Variants in PLCG2 observed in about 807,000 individuals in gnomAD.
PLCG2 encodes the protein 1-phosphatidylinositol 4,5-bisphosphate phosphodiesterase gamma-2.
PLCG2 carries 69 observed loss-of-function variants against 175.6 expected under a neutral mutation model. The observed-to-expected ratio is 0.39, with a 90% confidence interval of 0.32 to 0.48. PLCG2 has a LOEUF of 0.48. Ranked by LOEUF, PLCG2 falls within the 20% of genes least tolerant of loss-of-function variation. The pLI is 0.91. For synonymous variants in PLCG2, 827 were observed against 624.0 expected, an observed-to-expected ratio of 1.33 and a Z score of -4.85; for missense variants, 1,798 against 1,650.9, an observed-to-expected ratio of 1.09 and a Z score of -1.54.
intron 13 of PLCG2, 29 bp from the exon 14 acceptor site, chr16:81,900,583 C>G: frequency 6.4e-7 from 1 of 1,565,892 alleles, no homozygotes; most frequent in South Asian, 1.2e-5. Flanking sequence ...GCTCCCCCTG[C>G]CGAGCTGCCC....
In PLCG2 at chr16:81,793,008, T is replaced by C. The variant is rs1036668933; in HGVS notation, c.193+6826T>C. On this transcript the variant is annotated intron_variant, in intron 2 of 32. Transcript: ENST00000564138. Reference sequence around the variant, plus strand: ...TTAAATGGATTTTATTTTATGTTCTTTTTAAGATGTGGGAAATATTGCATA... The same window carrying C: ...TTAAATGGATTTTATTTTATGTTCTCTTTAAGATGTGGGAAATATTGCATA... Among the ~76,000 whole-genome samples the C allele has an allele frequency of 2.0e-5, 3 of 152,228 alleles. No homozygotes were observed. The South Asian group carries it at 6.2e-4, about 32-fold the overall frequency.
chr16:81,802,373 A>T (rs1911769631), intron 2 of PLCG2, among the ~76,000 whole-genome samples: 1 of 151,694 alleles, frequency 6.6e-6, no homozygotes, highest in Non-Finnish European at 1.5e-5. Context: ...CGGCCTCCCA[A>T]AGTGCTGGGA....
intron 5 of PLCG2, among the ~76,000 whole-genome samples, chr16:81,864,498 C>A (rs748671171): frequency 5.3e-5 from 8 of 152,158 alleles, no homozygotes; most frequent in Non-Finnish European, 8.8e-5. Context: ...AATCTCAGAT[C>A]TCACACTAAC....
intron 1 of PLCG2, 163 bp from the exon 2 acceptor site, chr16:81,785,780 C>T: frequency 1.8e-6 from 1 of 546,052 alleles, no homozygotes; most frequent in Non-Finnish European, 3.3e-6. Flanking sequence ...TTGTGTCCTG[C>T]CTTAGCTCTC....
At chr16:81,781,690 A>G (rs895809652) in intron 1 of PLCG2, among the ~76,000 whole-genome samples, 4 of 152,084 alleles carry the variant, frequency 2.6e-5, no homozygotes, top group African/African-American at 4.8e-5. Context: ...ATGTCCCTTG[A>G]ACTGTTGGAG....
Position 81,786,138 on chromosome 16 carries a change from G to C in PLCG2, c.149G>C (p.Arg50Pro). 6.2e-7 allele frequency: 1 copy of C among 1,614,146 alleles called. No individual in the cohort carries two copies. Among genetic ancestry groups the C allele is most frequent in the Non-Finnish European group, 8.5e-7 (1 of 1,180,020 alleles). ...ACCGTCCAGGTGATCATGGAGACGC[G>C]GCAGGTGGCCTGGAGCAAGACCGCT... is the stretch of plus-strand genomic sequence containing the variant. ...RRTVQVIMET[R>P]QVAWSKTADK... Residue 50 changes from arginine (R) to proline (P), a missense_variant, in exon 2 of 33, where the codon CGG (arginine) becomes CCG (proline). Arg to Pro is a moderately radical substitution (Grantham distance 103). Transcript: ENST00000564138.
intron 1 of PLCG2, among the ~76,000 whole-genome samples, chr16:81,748,877 C>T (rs1234637245): frequency 2.0e-5 from 3 of 152,160 alleles, no homozygotes; most frequent in Non-Finnish European, 4.4e-5. Flanking sequence ...CTCAGAGAGG[C>T]TCGGTGAGAT....
At chr16:81,838,344 C>G (rs1008768284) in intron 2 of PLCG2, among the ~76,000 whole-genome samples, 2 of 152,162 alleles carry the variant, frequency 1.3e-5, no homozygotes. Context: ...GCCTTGGCCT[C>G]CCAAAGTGCT....
At chr16:81,942,426 C>A (rs929028545) in intron 30 of PLCG2, among the ~76,000 whole-genome samples, 2 of 152,212 alleles carry the variant, frequency 1.3e-5, no homozygotes, top group East Asian at 3.8e-4. Flanking sequence ...TCACTTCTTT[C>A]TAGCTCCTAG....
intron 2 of PLCG2, among the ~76,000 whole-genome samples, chr16:81,824,415 T>A (rs1904954770): frequency 6.6e-6 from 1 of 152,206 alleles, no homozygotes; most frequent in Non-Finnish European, 1.5e-5. Context: ...ATTACAAGCG[T>A]GAGCCACTGC....
intron 1 of PLCG2, among the ~76,000 whole-genome samples, chr16:81,744,424 A>C (rs1196446912): frequency 1.3e-5 from 2 of 151,856 alleles, no homozygotes; most frequent in African/African-American, 4.8e-5. Flanking sequence ...TGCCCTCCCA[A>C]AGTGTTGGGA....
At chr16:81,867,511 G>A (rs1055797030) in intron 5 of PLCG2, among the ~76,000 whole-genome samples, 2 of 152,192 alleles carry the variant, frequency 1.3e-5, no homozygotes, top group African/African-American at 4.8e-5. Context: ...CCTGGAAGAT[G>A]GAGATGATCA....
intron 2 of PLCG2, among the ~76,000 whole-genome samples, chr16:81,771,100 A>G (rs1288799120): frequency 6.6e-6 from 1 of 152,006 alleles, no homozygotes; most frequent in Admixed American, 6.6e-5. Context: ...GGCCCAGATC[A>G]TAAGTACAGA....
At chr16:81,853,474 G>A (rs1327959141) in intron 2 of PLCG2, among the ~76,000 whole-genome samples, 5 of 152,176 alleles carry the variant, frequency 3.3e-5, no homozygotes, top group Admixed American at 2.0e-4. Flanking sequence ...GATGGTGGGG[G>A]CAGTGGGGGG....
Position 81,910,617 on chromosome 16 carries a change from T to C in PLCG2, c.1831T>C (p.Tyr611His). The change falls in exon 18 of 33, where the codon TAT (tyrosine) becomes CAT (histidine). Residue 611 changes from tyrosine to histidine, a missense_variant. Physicochemically the swap from Tyr to His is moderately conservative, Grantham distance 83. Transcript: ENST00000564138. ...TGACAACCTCACCTTCAGCAGCATC[T>C]ATGCCCTCATCCAGCACTACCGCGA... ...LTDNLTFSSIYALIQHYRETH... is the reference protein window; with the variant it reads ...LTDNLTFSSIHALIQHYRETH... 1 of 1,614,116 alleles carries C rather than the reference T, an allele frequency of 6.2e-7. No individual in the cohort carries two copies. The highest frequency in any genetic ancestry group is 1.1e-5 in the South Asian group (1 of 91,080).
intron 2 of PLCG2, among the ~76,000 whole-genome samples, chr16:81,805,772 T>G (rs5006644): frequency 0.47 from 26,860 of 57,424 alleles, 4,154 homozygotes; most frequent in South Asian, 0.55. Context: ...GTTTTGTTTT[T>G]TTTTTTTTTT....
At chr16:81,937,934 A>C (rs1448342452) in intron 28 of PLCG2, 31 bp downstream of exon 28, 1 of 1,610,730 alleles carries the variant, frequency 6.2e-7, no homozygotes, top group South Asian at 1.1e-5. Flanking sequence ...CTGCCAGGGG[A>C]GCCAGCCGCC....
At chr16:81,931,710 C>T (rs1170227574) in intron 25 of PLCG2, 56 bp downstream of exon 25, 2 of 1,540,708 alleles carry the variant, frequency 1.3e-6, no homozygotes, top group Admixed American at 1.7e-5. Flanking sequence ...GGCTTTGGTG[C>T]TCAGTTGGGA....
intron 24 of PLCG2, among the ~76,000 whole-genome samples, chr16:81,930,502 C>G (rs558478549): frequency 1.3e-5 from 2 of 152,298 alleles, no homozygotes; most frequent in East Asian, 3.9e-4. Flanking sequence ...AATCCCAGCA[C>G]TTTGGGAGGC....
Sources: allele counts gnomAD v4.1 joint callset (sites outside exome capture counted in the v4.1 genomes callset), GRCh38; gene constraint gnomAD v4.1.1; transcripts MANE v1.5; gene names NCBI Gene and HGNC (gene_info 2026-07-23, HGNC 2026-07-21).